The following DAB1 variants were observed in gnomAD, a reference collection of about 807,000 sequenced individuals.
DAB1 encodes the protein DAB adaptor protein 1.
Under a neutral mutation model 64.6 loss-of-function variants are expected in DAB1, and 15 were observed. That is an observed-to-expected ratio of 0.23 (90% confidence interval 0.16 to 0.36). DAB1 has a LOEUF of 0.36. Ranked by LOEUF, DAB1 falls within the 10% of genes least tolerant of loss-of-function variation. The probability of loss-of-function intolerance (pLI) is 1.00; values close to 1 mark genes in which losing one functional copy is unlikely to be tolerated. For missense variants in DAB1, 596 were observed against 706.7 expected (o/e 0.84, Z 1.78); for synonymous variants, 235 against 251.9 (o/e 0.93, Z 0.64).
intron 7 of DAB1, among the ~76,000 whole-genome samples, chr1:57,501,239 G>T (rs1570576862): frequency 6.6e-6 from 1 of 152,306 alleles, no homozygotes; most frequent in East Asian, 1.9e-4. Context: ...AGACCTCCTT[G>T]TAAGAAGGCC....
chr1:58,328,891 A>C (rs1662908946), intron 4 of DAB1, among the ~76,000 whole-genome samples: 1 of 151,928 alleles, frequency 6.6e-6, no homozygotes. Context: ...AACCAGGCCA[A>C]CTCTTGCTTA....
At chr1:58,460,764 T>C (rs747808997) in intron 3 of DAB1, among the ~76,000 whole-genome samples, 8 of 152,160 alleles carry the variant, frequency 5.3e-5, no homozygotes, top group Admixed American at 2.6e-4. Context: ...AAAAAACATA[T>C]TGGCCTTTCA....
In DAB1 at chr1:57,015,396, A is replaced by G; in HGVS notation, c.931T>C (p.Trp311Arg). 6.2e-7 allele frequency: 1 copy of G among 1,613,738 alleles called. No homozygotes were observed. The highest frequency in any genetic ancestry group is 8.5e-7 in the Non-Finnish European group (1 of 1,179,910). Reference protein sequence around the residue: ...VAMGAVLPSFWGQQPLVQQQM... With the variant: ...VAMGAVLPSFRGQQPLVQQQM... ...TGTTGGACGAGGGGCTGCTGACCCC[A>G]GAAGGACGGGAGGACAGCGCCCATT... is the stretch of plus-strand genomic sequence containing the variant. Residue 311 changes from tryptophan to arginine, a missense_variant, in exon 12 of 15, where the codon TGG becomes CGG. Coordinates refer to ENST00000371236, the MANE Select transcript of DAB1 (RefSeq NM_001365792.1).
rs140523038 is a variant in DAB1, at chr1:57,833,387, T to G, written n.88-6932A>C. 9.2e-3 allele frequency among the ~76,000 whole-genome samples: 1,395 copies of G among 152,346 alleles called. 21 individuals carry two copies. Among genetic ancestry groups the G allele is most frequent in the African/African-American group, 0.033 (1,353 of 41,578 alleles). ...ACTTTAAAGACATTATTTCATTTAA[T>G]TCTTATAATAAAGGAATCTTCCCTA... On this transcript the variant is annotated intron_variant and non_coding_transcript_variant, in intron 1 of 1. Coordinates refer to the DAB1 transcript ENST00000477280.
intron 1 of DAB1, among the ~76,000 whole-genome samples, chr1:57,359,397 C>T (rs1420146195): frequency 6.6e-6 from 1 of 151,778 alleles, no homozygotes; most frequent in African/African-American, 2.4e-5. Flanking sequence ...TAAGATATCC[C>T]CCTACCCCAG....
chr1:57,592,428 G>A (rs542293949), intron 7 of DAB1, among the ~76,000 whole-genome samples: 1 of 151,776 alleles, frequency 6.6e-6, no homozygotes, highest in South Asian at 2.1e-4. Context: ...AAAGCAGCAA[G>A]GCCTCATAGA....
intron 6 of DAB1, among the ~76,000 whole-genome samples, chr1:57,679,374 G>A (rs1427348709): frequency 1.3e-5 from 2 of 152,136 alleles, no homozygotes; most frequent in African/African-American, 4.8e-5. Context: ...ATAGCTAAAG[G>A]CACCTATTAA....
At chr1:58,408,874 C>T (rs1644641351) in intron 3 of DAB1, among the ~76,000 whole-genome samples, 1 of 152,174 alleles carries the variant, frequency 6.6e-6, no homozygotes. Flanking sequence ...AAGAGATTTA[C>T]ACAAGAACAT....
chr1:58,012,723 C>T (rs12028709), intron 5 of DAB1, among the ~76,000 whole-genome samples: 28,914 of 152,064 alleles, frequency 0.19, 3,246 homozygotes, highest in East Asian at 0.34. Flanking sequence ...TAGGAAGTGG[C>T]CCTCACCAGA....
At chr1:57,613,799 C>T (rs377038271) in intron 7 of DAB1, among the ~76,000 whole-genome samples, 28 of 152,136 alleles carry the variant, frequency 1.8e-4, no homozygotes, top group African/African-American at 2.9e-4. Flanking sequence ...GGTGGTACAG[C>T]GAAAGGCACA....
At chr1:58,300,610 AAGAGAGAGAGAGAGAGAGAGAGAG>A (rs770388855) in intron 4 of DAB1, among the ~76,000 whole-genome samples, 1 of 47,008 alleles carries the variant, frequency 2.1e-5, no homozygotes, top group African/African-American at 6.8e-5. Context: ...GAAAGAAAGA[AAGAGAGAGAGAGAGAGAGAGAGAG>A]AGAGAGAGAG....
chr1:57,804,245 T>C lies in DAB1; in HGVS notation n.551+79754A>G, dbSNP rs1045247468. 3.9e-5 allele frequency among the ~76,000 whole-genome samples: 6 copies of C among 152,336 alleles called. 1 individual carries two copies. In the East Asian group the frequency reaches 1.2e-3, roughly 29 times the overall value. Reference sequence around the variant, plus strand: ...AGGTGGCTAAAGCTGGTATGGAACTTAACCGTTTTCTTAGGATCACAACAT... The same window carrying C: ...AGGTGGCTAAAGCTGGTATGGAACTCAACCGTTTTCTTAGGATCACAACAT... On this transcript the variant is annotated intron_variant and non_coding_transcript_variant, in intron 6 of 20. Coordinates refer to the DAB1 transcript ENST00000485760.
intron 4 of DAB1, among the ~76,000 whole-genome samples, chr1:57,089,360 C>T (rs1653410441): frequency 6.6e-6 from 1 of 152,128 alleles, no homozygotes; most frequent in African/African-American, 2.4e-5. Context: ...ATACCTGAGA[C>T]TGGGTAATTT....
chr1:57,121,745 A>G (rs1393674012), intron 4 of DAB1, among the ~76,000 whole-genome samples: 2 of 151,944 alleles, frequency 1.3e-5, no homozygotes, highest in Non-Finnish European at 2.9e-5. Context: ...ATAAGGTGTA[A>G]GGAAGGGGTC....
chr1:58,405,831 T>A (rs1222968728), intron 3 of DAB1, among the ~76,000 whole-genome samples: 1 of 152,208 alleles, frequency 6.6e-6, no homozygotes, highest in East Asian at 1.9e-4. Flanking sequence ...ACTTGCCTCA[T>A]TTCTCACAGT....
chr1:57,496,544 C>A (rs888100273), intron 7 of DAB1, among the ~76,000 whole-genome samples: 4 of 152,130 alleles, frequency 2.6e-5, no homozygotes, highest in Non-Finnish European at 4.4e-5. Flanking sequence ...GATTGGCATG[C>A]CAATCCTGAC....
intron 5 of DAB1, among the ~76,000 whole-genome samples, chr1:58,058,795 T>C (rs1347599513): frequency 1.3e-5 from 2 of 152,230 alleles, no homozygotes; most frequent in African/African-American, 2.4e-5. Flanking sequence ...TATCTGTTCA[T>C]GCTATGAAAT....
rs12119210 is a variant in DAB1, at chr1:57,348,613, A to C, written c.-136-57447T>G. ...TTCAGTAACTCTCCCCATTTCACTC[A>C]TCTTGCCAGAGTCAGGAATGAAAAC... On this transcript the variant is annotated intron_variant, in intron 1 of 14. Coordinates refer to ENST00000371236, the MANE Select transcript of DAB1 (RefSeq NM_001365792.1). 3.1e-3 allele frequency among the ~76,000 whole-genome samples: 472 copies of C among 151,968 alleles called. 1 individual carries two copies. Among genetic ancestry groups the C allele is most frequent in the African/African-American group, 0.01 (428 of 41,408 alleles).
intron 7 of DAB1, among the ~76,000 whole-genome samples, chr1:57,611,128 CTT>C (rs5774360): frequency 1.8e-4 from 20 of 111,934 alleles, no homozygotes; most frequent in East Asian, 2.7e-4. Context: ...CGTGCAGTGG[CTT>C]TTTTTTTTTT....
Sources: allele counts gnomAD v4.1 joint callset (sites outside exome capture counted in the v4.1 genomes callset), GRCh38; gene constraint gnomAD v4.1.1; transcripts MANE v1.5; gene names NCBI Gene and HGNC (gene_info 2026-07-23, HGNC 2026-07-21).